Variants in GRIK4 observed in about 807,000 individuals in gnomAD.
GRIK4 encodes glutamate ionotropic receptor kainate type subunit 4.
Under a neutral mutation model 104.9 loss-of-function variants are expected in GRIK4, and 40 were observed. The observed-to-expected ratio is 0.38, with a 90% CI of 0.30 to 0.50. GRIK4 has a LOEUF of 0.50. GRIK4 is among the 20% of genes least tolerant of loss of function. GRIK4 has a pLI of 0.93. For synonymous variants in GRIK4, 485 were observed against 524.9 expected (o/e 0.92, Z 1.04); for missense variants, 1,047 against 1,308.1 (o/e 0.80, Z 3.08).
intron 1 of GRIK4, among the ~76,000 whole-genome samples, chr11:120,602,291 TTG>T (rs563105660): frequency 1.3e-5 from 2 of 152,326 alleles, no homozygotes; most frequent in South Asian, 4.1e-4. Flanking sequence ...GATTGAGTTT[TTG>T]TTCCTGGAGC....
At chr11:120,723,549 G>A (rs950870333) in intron 3 of GRIK4, among the ~76,000 whole-genome samples, 3 of 152,208 alleles carry the variant, frequency 2.0e-5, no homozygotes, top group Non-Finnish European at 4.4e-5. Context: ...AGAGGAGAAA[G>A]TTGCTTGCCC....
intron 1 of GRIK4, among the ~76,000 whole-genome samples, chr11:120,605,534 T>C (rs1314011476): frequency 6.6e-6 from 1 of 152,154 alleles, no homozygotes; most frequent in East Asian, 1.9e-4. Flanking sequence ...GTGGGGTGGG[T>C]CCTCTGTAGC....
intron 1 of GRIK4, among the ~76,000 whole-genome samples, chr11:120,586,612 G>A (rs148340362): frequency 3.9e-4 from 59 of 152,266 alleles, no homozygotes; most frequent in African/African-American, 1.3e-3. Context: ...GCCAGATGCC[G>A]AGTGTGTGGA....
chr11:120,920,254 C>T (rs10892643), intron 13 of GRIK4, among the ~76,000 whole-genome samples: 44,531 of 152,066 alleles, frequency 0.29, 7,938 homozygotes, highest in East Asian at 0.4. Flanking sequence ...ATTCCTGTAG[C>T]GTGCCTGCAC....
intron 1 of GRIK4, among the ~76,000 whole-genome samples, chr11:120,628,348 C>G (rs1949286971): frequency 6.6e-6 from 1 of 152,180 alleles, no homozygotes; most frequent in Admixed American, 6.5e-5. Context: ...GTCCCAGGAG[C>G]CCCCAGCCAC....
In GRIK4 at chr11:120,777,195, A is replaced by G. The variant is rs1263606516; in HGVS notation, c.83-25498A>G. On this transcript the variant is annotated intron_variant, in intron 3 of 20. Coordinates refer to ENST00000527524, the MANE Select transcript of GRIK4 (RefSeq NM_014619.5). ...TCCAGGTCCCTTTCAATGGCTTACA[A>G]GGTGCTTCACAGCCCCCCAATACCT... 7.2e-5 allele frequency among the ~76,000 whole-genome samples: 11 copies of G among 152,288 alleles called. No individual in the cohort carries two copies. The South Asian group carries it at 2.3e-3, about 32-fold the overall frequency.
intron 3 of GRIK4, among the ~76,000 whole-genome samples, chr11:120,732,038 A>G (rs1313602195): frequency 3.3e-5 from 5 of 151,902 alleles, no homozygotes; most frequent in African/African-American, 1.2e-4. Context: ...TCTTTGTTTC[A>G]GTTCCATTTA....
intron 3 of GRIK4, among the ~76,000 whole-genome samples, chr11:120,670,569 T>G (rs1591789854): frequency 6.6e-6 from 1 of 152,390 alleles, no homozygotes; most frequent in Middle Eastern, 3.4e-3. Context: ...TGCTGTGCCC[T>G]CTGCCTGGAA....
At chr11:120,522,406 C>G (rs1321965945) in intron 1 of GRIK4, among the ~76,000 whole-genome samples, 1 of 152,176 alleles carries the variant, frequency 6.6e-6, no homozygotes, top group Non-Finnish European at 1.5e-5. Context: ...ACTGCAACCT[C>G]CACCTTCCGG....
At chr11:120,795,692 G>A (rs1272830313) in intron 3 of GRIK4, among the ~76,000 whole-genome samples, 1 of 152,150 alleles carries the variant, frequency 6.6e-6, no homozygotes, top group East Asian at 1.9e-4. Context: ...TTCTGTGGGA[G>A]TTCAAAGGAA....
intron 1 of GRIK4, among the ~76,000 whole-genome samples, chr11:120,551,981 C>G (rs1054815715): frequency 6.6e-6 from 1 of 152,174 alleles, no homozygotes; most frequent in African/African-American, 2.4e-5. Context: ...CCCTACGTAT[C>G]TCTTCATCTG....
intron 3 of GRIK4, among the ~76,000 whole-genome samples, chr11:120,691,945 C>G (rs1950371148): frequency 6.6e-6 from 1 of 152,212 alleles, no homozygotes; most frequent in Non-Finnish European, 1.5e-5. Flanking sequence ...GATGCTGCCC[C>G]AGTCCTTTGC....
intron 1 of GRIK4, among the ~76,000 whole-genome samples, chr11:120,625,003 G>T (rs1262034705): frequency 1.3e-5 from 2 of 152,184 alleles, no homozygotes; most frequent in Non-Finnish European, 2.9e-5. Context: ...AAGACTTAAG[G>T]CCGGGCGCGG....
chr11:120,972,526 A>C (rs980287875), intron 19 of GRIK4, among the ~76,000 whole-genome samples: 3 of 152,206 alleles, frequency 2.0e-5, no homozygotes, highest in African/African-American at 7.2e-5. Context: ...AGAGTGAAAA[A>C]AAAGAGAAAG....
chr11:120,828,758 G>T (rs577668812), intron 6 of GRIK4, among the ~76,000 whole-genome samples: 1 of 152,164 alleles, frequency 6.6e-6, no homozygotes, highest in Admixed American at 6.5e-5. Context: ...TCCCCGCCCC[G>T]CGTCTCAGCA....
In GRIK4 at chr11:120,905,527, TG is replaced by T; in HGVS notation, c.1476+37del. 2 of 406,496 alleles carry T rather than the reference TG, an allele frequency of 4.9e-6. No individual in the cohort carries two copies. The highest frequency in any genetic ancestry group is 2.5e-5 in the Admixed American group (1 of 39,806). 25.2% of individuals were successfully genotyped at this position (406,496 alleles called of 1,614,324 possible). On this transcript the variant is annotated intron_variant, in intron 13 of 20. Coordinates refer to ENST00000527524, the MANE Select transcript of GRIK4 (RefSeq NM_014619.5). This position sits in a 1 kb window ranked among gnomAD's most constrained non-coding sequence, Gnocchi z 5.1. ...AGGACAAGTGATCTGGGCCTGAGGG[TG>T]GGCTGGGAGGGATTGGAAGAGCATG...
intron 1 of GRIK4, among the ~76,000 whole-genome samples, chr11:120,629,392 C>T (rs1949304100): frequency 6.6e-6 from 1 of 152,064 alleles, no homozygotes; most frequent in Non-Finnish European, 1.5e-5. Flanking sequence ...TACCTAGGGC[C>T]AAGGTTGTTC....
chr11:120,566,279 A>C (rs1294054388), intron 1 of GRIK4, among the ~76,000 whole-genome samples: 1 of 152,210 alleles, frequency 6.6e-6, no homozygotes, highest in Non-Finnish European at 1.5e-5. Context: ...TCTGCTTTTC[A>C]GAGGAAGTAA....
intron 19 of GRIK4, among the ~76,000 whole-genome samples, chr11:120,968,291 T>C (rs941636838): frequency 1.3e-5 from 2 of 152,222 alleles, no homozygotes; most frequent in African/African-American, 4.8e-5. Flanking sequence ...TTAATGCCTA[T>C]AAATTATTTC....
Sources: allele counts gnomAD v4.1 joint callset (sites outside exome capture counted in the v4.1 genomes callset), GRCh38; gene constraint gnomAD v4.1.1; non-coding constraint Gnocchi (gnomAD v3.1); transcripts MANE v1.5; gene names NCBI Gene and HGNC (gene_info 2026-07-23, HGNC 2026-07-21).